The following UNC5D variants were observed in gnomAD, a reference collection of about 807,000 sequenced individuals.
UNC5D encodes the protein unc-5 netrin receptor D, also known as netrin receptor UNC5D.
A neutral mutation model predicts 105.4 loss-of-function variants in UNC5D; 39 were observed. The observed-to-expected ratio is 0.37, with a 90% CI of 0.29 to 0.48. UNC5D has a LOEUF of 0.48. UNC5D is among the 20% of genes least tolerant of loss of function. UNC5D has a pLI of 0.98. For missense variants in UNC5D, 991 were observed against 1,202.4 expected (o/e 0.82, Z 2.60); for synonymous variants, 452 against 450.4 (o/e 1.00, Z -0.04).
chr8:35,251,775 T>G (rs765375906), intron 1 of UNC5D, among the ~76,000 whole-genome samples: 18 of 152,164 alleles, frequency 1.2e-4, no homozygotes, highest in Non-Finnish European at 1.9e-4. Flanking sequence ...ATGTAAATGA[T>G]AAGAGGCCAT....
intron 4 of UNC5D, among the ~76,000 whole-genome samples, chr8:35,610,611 T>G (rs2130977271): frequency 6.6e-6 from 1 of 151,910 alleles, no homozygotes; most frequent in South Asian, 2.1e-4. Flanking sequence ...ATGCCTAGAG[T>G]TACATAGAAG....
intron 11 of UNC5D, among the ~76,000 whole-genome samples, chr8:35,743,723 GTCTC>G (rs1311808951): frequency 6.6e-6 from 1 of 151,638 alleles, no homozygotes; most frequent in African/African-American, 2.4e-5. Flanking sequence ...TTCTGTATTT[GTCTC>G]TCTCCTCTCT....
chr8:35,318,051 G>A (rs1022751415), intron 1 of UNC5D, among the ~76,000 whole-genome samples: 7 of 151,922 alleles, frequency 4.6e-5, no homozygotes, highest in African/African-American at 1.7e-4. Context: ...GAGATACTCT[G>A]TCTCTGAAAG....
intron 1 of UNC5D, among the ~76,000 whole-genome samples, chr8:35,480,509 G>A (rs1234189819): frequency 6.6e-6 from 1 of 152,140 alleles, no homozygotes; most frequent in Non-Finnish European, 1.5e-5. Flanking sequence ...CTGGCAGAAA[G>A]AGAAGATGAT....
intron 1 of UNC5D, among the ~76,000 whole-genome samples, chr8:35,352,992 C>A (rs1426678128): frequency 6.6e-6 from 1 of 152,046 alleles, no homozygotes; most frequent in Non-Finnish European, 1.5e-5. Flanking sequence ...CACCTTAAAA[C>A]AAAGTAAATG....
At position 35,644,973 on chromosome 8, in the gene UNC5D, G is replaced by T. The variant is rs142786753; in HGVS notation, c.571-38574G>T. Among the ~76,000 whole-genome samples, 428 of 152,208 alleles carry T rather than the reference G, an allele frequency of 2.8e-3. 1 individual carries two copies. Among genetic ancestry groups the T allele is most frequent in the Non-Finnish European group, 4.9e-3 (330 of 68,018 alleles). On this transcript the variant is annotated intron_variant, in intron 4 of 16. Transcript: ENST00000404895. The stretch of plus-strand genomic sequence containing the variant: ...ATCATGTCTAGGGACTCTAAATAAA[G>T]GTCTTTGTCTTCGTATACCACTGAT...
Position 35,476,769 on chromosome 8 carries a change from T to A in UNC5D, c.104-72523T>A, listed in dbSNP as rs146160821. On this transcript the variant is annotated intron_variant, in intron 1 of 16. Coordinates refer to ENST00000404895, the MANE Select transcript of UNC5D (RefSeq NM_080872.4). Reference sequence around the variant, plus strand: ...CCATCTATGGCAGTTCAATCCTGTTTATTTTTCTTCTCAAAGCTCAGGCTG... The same window carrying A: ...CCATCTATGGCAGTTCAATCCTGTTAATTTTTCTTCTCAAAGCTCAGGCTG... Among the ~76,000 whole-genome samples the A allele has an allele frequency of 5.7e-4, 87 of 152,350 alleles. No homozygotes were observed. In the East Asian group the frequency reaches 0.012, roughly 21 times the overall value.
intron 1 of UNC5D, among the ~76,000 whole-genome samples, chr8:35,294,463 T>G (rs1223978868): frequency 6.6e-6 from 1 of 152,180 alleles, no homozygotes; most frequent in Non-Finnish European, 1.5e-5. Context: ...TTTCTAAAAT[T>G]ATCAAACCAT....
intron 1 of UNC5D, among the ~76,000 whole-genome samples, chr8:35,410,636 G>A (rs1805105082): frequency 6.6e-6 from 1 of 152,020 alleles, no homozygotes; most frequent in Admixed American, 6.6e-5. Context: ...ATCTTACCCA[G>A]AAACACAGTC....
At chr8:35,779,342 CTTTTT>C (rs1027297869) in intron 16 of UNC5D, among the ~76,000 whole-genome samples, 3 of 152,124 alleles carry the variant, frequency 2.0e-5, no homozygotes, top group African/African-American at 7.2e-5. Context: ...TTTTATGATA[CTTTTT>C]ATTTTTAAAT....
intron 1 of UNC5D, among the ~76,000 whole-genome samples, chr8:35,521,090 T>C (rs896838563): frequency 6.6e-6 from 1 of 152,128 alleles, no homozygotes; most frequent in African/African-American, 2.4e-5. Context: ...TTCATTGCTT[T>C]CTAAGCCTAG....
chr8:35,462,147 A>C (rs910407312), intron 1 of UNC5D, among the ~76,000 whole-genome samples: 17 of 152,176 alleles, frequency 1.1e-4, no homozygotes, highest in Admixed American at 9.8e-4. Context: ...GTTTTCTCTC[A>C]AGCCCTTAAA....
At chr8:35,325,092 C>T (rs968039334) in intron 1 of UNC5D, among the ~76,000 whole-genome samples, 1 of 152,028 alleles carries the variant, frequency 6.6e-6, no homozygotes, top group Non-Finnish European at 1.5e-5. Flanking sequence ...TGGAAATGGC[C>T]TCAGAAATGG....
At chr8:35,635,418 G>C (rs77678684) in intron 4 of UNC5D, among the ~76,000 whole-genome samples, 1 of 152,268 alleles carries the variant, frequency 6.6e-6, no homozygotes, top group East Asian at 1.9e-4. Flanking sequence ...TGCTTTTCCT[G>C]TCACTTGTCC....
chr8:35,309,280 G>T (rs966314349), intron 1 of UNC5D, among the ~76,000 whole-genome samples: 1 of 152,092 alleles, frequency 6.6e-6, no homozygotes, highest in Non-Finnish European at 1.5e-5. Context: ...AAAACAGAAG[G>T]CACTGCAGTG....
intron 7 of UNC5D, among the ~76,000 whole-genome samples, chr8:35,699,488 A>C (rs1827027414): frequency 6.6e-6 from 1 of 152,040 alleles, no homozygotes; most frequent in Non-Finnish European, 1.5e-5. Flanking sequence ...GTGCATCTCA[A>C]CTCATAGAAG....
chr8:35,238,610 G>T (rs1802614709), intron 1 of UNC5D, among the ~76,000 whole-genome samples: 1 of 152,092 alleles, frequency 6.6e-6, no homozygotes, highest in Admixed American at 6.5e-5. Context: ...GAAAAAAAGG[G>T]GGACTGCTGT....
At chr8:35,610,671 G>A (rs375150978) in intron 4 of UNC5D, among the ~76,000 whole-genome samples, 3 of 152,052 alleles carry the variant, frequency 2.0e-5, no homozygotes, top group African/African-American at 4.8e-5. Context: ...TGAGAGAACC[G>A]AGTGCAATCT....
chr8:35,469,376 C>A (rs1163306527), intron 1 of UNC5D, among the ~76,000 whole-genome samples: 2 of 152,114 alleles, frequency 1.3e-5, no homozygotes, highest in East Asian at 3.9e-4. Flanking sequence ...GCCTAGTATT[C>A]TTCATATGGG....
Sources: gnomAD v4.1 joint callset for allele counts (sites outside exome capture counted in the v4.1 genomes callset) on GRCh38, gnomAD v4.1.1 for gene constraint, MANE v1.5 for transcripts, NCBI Gene and HGNC (gene_info 2026-07-23, HGNC 2026-07-21) for gene names.